Variants in FNDC3A observed in about 807,000 individuals in gnomAD.
FNDC3A encodes fibronectin type-III domain-containing protein 3A.
Under a neutral mutation model 148.9 loss-of-function variants are expected in FNDC3A, and 32 were observed. The observed-to-expected ratio is 0.21, with a 90% confidence interval of 0.16 to 0.29. The LOEUF (loss-of-function observed/expected upper bound fraction) is 0.29, where lower values mean the gene tolerates loss of function less well. FNDC3A is among the 10% of genes least tolerant of loss of function. The pLI is 1.00. For missense variants in FNDC3A, 1,191 were observed against 1,452.8 expected (o/e 0.82, Z 2.93); for synonymous variants, 472 against 473.6 (o/e 1.00, Z 0.04).
intron 19 of FNDC3A, among the ~76,000 whole-genome samples, chr13:49,194,972 T>C (rs1455711560): frequency 3.0e-4 from 45 of 152,172 alleles, no homozygotes; most frequent in Admixed American, 2.9e-3. Context: ...GATGAAATAG[T>C]TTCTATAAGG....
chr13:49,201,181 A>G, intron 23 of FNDC3A: 1 of 301,064 alleles, frequency 3.3e-6, no homozygotes, highest in South Asian at 3.0e-5. Context: ...TAGATAACAT[A>G]TTAGGAGAAA....
At chr13:49,045,790 CTTTTTTTT>C in intron 2 of FNDC3A, 7 of 162,400 alleles carry the variant, frequency 4.3e-5, no homozygotes, top group South Asian at 2.6e-4. Context: ...AATGACAGTC[CTTTTTTTT>C]TTTTTTTTTT....
At position 49,158,085 on chromosome 13, in the gene FNDC3A, C is replaced by G. The variant is rs1415845515; in HGVS notation, c.978-9159C>G. ...TTCCCGGCTGCTTTGTTTACCTAAGCAAGCCAGGGCAATGGCGGGCGCCCC... is the reference window on the plus strand; with the variant it reads ...TTCCCGGCTGCTTTGTTTACCTAAGGAAGCCAGGGCAATGGCGGGCGCCCC... On this transcript the variant is annotated intron_variant, in intron 8 of 25. Coordinates refer to ENST00000492622, the MANE Select transcript of FNDC3A (RefSeq NM_001079673.2). 2.0e-5 allele frequency among the ~76,000 whole-genome samples: 3 copies of G among 152,242 alleles called. No individual in the cohort carries two copies. In the East Asian group the frequency reaches 5.8e-4, roughly 29 times the overall value.
intron 2 of FNDC3A, among the ~76,000 whole-genome samples, chr13:49,029,158 G>A (rs1873935625): frequency 6.6e-6 from 1 of 151,992 alleles, no homozygotes; most frequent in Admixed American, 6.6e-5. Context: ...TTTTAGTAGA[G>A]ACAGGGTCTC....
chr13:49,012,709 T>A (rs1350818284), intron 2 of FNDC3A, among the ~76,000 whole-genome samples: 1 of 152,108 alleles, frequency 6.6e-6, no homozygotes, highest in Admixed American at 6.6e-5. Flanking sequence ...AGGTTTTTAA[T>A]GTCACAGTGA....
chr13:49,078,761 C>A (rs145050890), intron 3 of FNDC3A, among the ~76,000 whole-genome samples: 6 of 152,268 alleles, frequency 3.9e-5, no homozygotes, highest in African/African-American at 1.4e-4. Flanking sequence ...TGGACTAGCT[C>A]TGGATCTAGG....
intron 5 of FNDC3A, among the ~76,000 whole-genome samples, chr13:49,132,632 G>A (rs1882102144): frequency 6.6e-6 from 1 of 152,198 alleles, no homozygotes; most frequent in Admixed American, 6.5e-5. Context: ...AACTGCTCTT[G>A]CAATGTTCTG....
intron 2 of FNDC3A, among the ~76,000 whole-genome samples, chr13:49,035,570 A>T (rs1874433739): frequency 6.6e-6 from 1 of 152,058 alleles, no homozygotes; most frequent in Non-Finnish European, 1.5e-5. Context: ...TGTCAAAATG[A>T]CTTTATTTCT....
chr13:49,016,784 A>C (rs1872826342), intron 2 of FNDC3A, among the ~76,000 whole-genome samples: 1 of 151,850 alleles, frequency 6.6e-6, no homozygotes, highest in Non-Finnish European at 1.5e-5. Flanking sequence ...TGCGTCCCAG[A>C]GATTCTGGTA....
chr13:49,175,058 A>G (rs555097814), intron 12 of FNDC3A, among the ~76,000 whole-genome samples: 7 of 152,328 alleles, frequency 4.6e-5, no homozygotes, highest in Admixed American at 2.0e-4. Context: ...TTTAAAAGTT[A>G]CAACATTTAC....
chr13:48,994,667 A>G (rs372295586), intron 1 of FNDC3A, among the ~76,000 whole-genome samples: 257 of 151,614 alleles, frequency 1.7e-3, no homozygotes, highest in African/African-American at 6.0e-3. Context: ...AATCCCAGCT[A>G]CTCCGGAGGC....
intron 2 of FNDC3A, among the ~76,000 whole-genome samples, chr13:49,054,593 A>T (rs1474182596): frequency 6.6e-6 from 1 of 152,202 alleles, no homozygotes; most frequent in Admixed American, 6.5e-5. Context: ...TCATCTCCAG[A>T]TGGGATGGGC....
intron 11 of FNDC3A, 21 bp downstream of exon 11, chr13:49,172,117 T>A (rs1464801909): frequency 1.4e-6 from 2 of 1,479,840 alleles, no homozygotes; most frequent in Non-Finnish European, 9.4e-7. Flanking sequence ...TGAATCTTTT[T>A]AAATGGTTAA....
chr13:49,143,304 G>C (rs971560380), intron 7 of FNDC3A, among the ~76,000 whole-genome samples: 2 of 152,080 alleles, frequency 1.3e-5, no homozygotes, highest in African/African-American at 4.8e-5. Flanking sequence ...CAGGAGGATC[G>C]CTTGAGCCTA....
At chr13:49,132,265 A>G in intron 5 of FNDC3A, among the ~76,000 whole-genome samples, 1 of 152,206 alleles carries the variant, frequency 6.6e-6, no homozygotes. Flanking sequence ...TCTTGCCCTC[A>G]ATAATCAATT....
intron 2 of FNDC3A, among the ~76,000 whole-genome samples, chr13:49,029,179 C>T (rs1197675259): frequency 1.3e-5 from 2 of 151,982 alleles, no homozygotes; most frequent in Non-Finnish European, 2.9e-5. Flanking sequence ...CCTCTGTTGC[C>T]CAGGCTTCAG....
chr13:49,102,486 G>A (rs913562021), intron 3 of FNDC3A, among the ~76,000 whole-genome samples: 1 of 152,092 alleles, frequency 6.6e-6, no homozygotes, highest in Admixed American at 6.5e-5. Context: ...TGCTTTAGGC[G>A]ATATTGACTC....
chr13:49,171,963 G>T, intron 10 of FNDC3A, 80 bp from the exon 11 acceptor site: 1 of 970,752 alleles, frequency 1.0e-6, no homozygotes, highest in Non-Finnish European at 1.6e-6. Context: ...ACATAAACTA[G>T]ATCCTTATAT....
chr13:49,128,150 G>T (rs918507224), intron 4 of FNDC3A, among the ~76,000 whole-genome samples: 1 of 152,138 alleles, frequency 6.6e-6, no homozygotes, highest in Non-Finnish European at 1.5e-5. Flanking sequence ...AAAGTGCTGG[G>T]ATTACAGGCG....
Sources: allele counts gnomAD v4.1 joint callset (sites outside exome capture counted in the v4.1 genomes callset), GRCh38; gene constraint gnomAD v4.1.1; transcripts MANE v1.5; gene names NCBI Gene and HGNC (gene_info 2026-07-23, HGNC 2026-07-21).